DHRSX: variants seen among roughly 807,000 people sequenced by gnomAD.
DHRSX encodes dehydrogenase/reductase X-linked.
DHRSX carries 31 observed loss-of-function variants against 34.0 expected under a neutral mutation model. That is an observed-to-expected ratio of 0.91 (90% CI 0.69 to 1.23). DHRSX has a LOEUF of 1.23. Among genes scored for constraint, DHRSX ranks in the 50% most tolerant of loss-of-function variants. The pLI is 0.00. For missense variants in DHRSX, 414 were observed against 428.1 expected (o/e 0.97, Z 0.29); for synonymous variants, 201 against 183.8 (o/e 1.09, Z -0.76).
intron 3 of DHRSX, among the ~76,000 whole-genome samples, chrX:2,343,481 G>C (rs2042664988): frequency 6.6e-6 from 1 of 152,194 alleles, no homozygotes; most frequent in Non-Finnish European, 1.5e-5. Context: ...CATCCAAACA[G>C]TTAAGGACAC....
intron 5 of DHRSX, among the ~76,000 whole-genome samples, chrX:2,245,632 G>C (rs1024810955): frequency 6.7e-6 from 1 of 149,764 alleles, no homozygotes; most frequent in Non-Finnish European, 1.5e-5. Context: ...TACATATATT[G>C]ATTGATGTCT....
At chrX:2,380,837 GT>G (rs2015287605) in intron 3 of DHRSX, among the ~76,000 whole-genome samples, 1 of 152,026 alleles carries the variant, frequency 6.6e-6, no homozygotes, top group Non-Finnish European at 1.5e-5. Context: ...TTTGGTTATT[GT>G]TTTGTTTTGT....
At chrX:2,461,391 C>G (rs1323873094) in intron 1 of DHRSX, among the ~76,000 whole-genome samples, 1 of 152,202 alleles carries the variant, frequency 6.6e-6, no homozygotes, top group Non-Finnish European at 1.5e-5. Context: ...CTCAGCAATG[C>G]TACCAAAACA....
intron 4 of DHRSX, 97 bp from the exon 5 acceptor site, chrX:2,267,044 C>T (rs932492092): frequency 1.4e-5 from 18 of 1,276,114 alleles, no homozygotes; most frequent in South Asian, 1.4e-4. Flanking sequence ...CCCAGGACAT[C>T]GGAGGGTGGG....
At chrX:2,442,472 GTATA>G (rs757603927) in intron 1 of DHRSX, among the ~76,000 whole-genome samples, 1 of 150,656 alleles carries the variant, frequency 6.6e-6, no homozygotes, top group African/African-American at 2.4e-5. Flanking sequence ...ATGTGTGTGT[GTATA>G]TATATATATT....
intron 2 of DHRSX, among the ~76,000 whole-genome samples, chrX:2,412,700 A>T (rs1231675880): frequency 6.6e-6 from 1 of 152,116 alleles, no homozygotes; most frequent in Non-Finnish European, 1.5e-5. Context: ...CCATCTAAGG[A>T]TGGGTAGATA....
rs2015484171 is a variant in DHRSX at position 2,219,767 on chromosome X, C to T, written c.*1274G>A. 6.6e-6 allele frequency: 1 copy of T among 152,186 alleles called. No individual in the cohort carries two copies. The allele number at this position is 152,186 out of a possible 1,614,324, so 9.4% of individuals were successfully genotyped here. ...CCAACCAATGGTCATCAGTCTCACA[C>T]ATAAGGAGTGCAGGCTCGTAGGGTA... On this transcript the variant is annotated 3_prime_UTR_variant, in exon 7 of 7. Transcript: ENST00000334651.
At chrX:2,354,268 C>T (rs2042822005) in intron 3 of DHRSX, among the ~76,000 whole-genome samples, 1 of 152,184 alleles carries the variant, frequency 6.6e-6, no homozygotes, top group Non-Finnish European at 1.5e-5. Flanking sequence ...CACTGGGCAG[C>T]TGTCCACTGG....
At chrX:2,378,543 C>T (rs192181932) in intron 3 of DHRSX, among the ~76,000 whole-genome samples, 73 of 152,090 alleles carry the variant, frequency 4.8e-4, no homozygotes, top group African/African-American at 4.8e-4. Flanking sequence ...CTCATCCTTA[C>T]GATTTTCTTA....
At chrX:2,322,953 T>C (rs934462429) in intron 3 of DHRSX, among the ~76,000 whole-genome samples, 16 of 151,976 alleles carry the variant, frequency 1.1e-4, no homozygotes, top group African/African-American at 2.9e-4. Flanking sequence ...AGATGGAATC[T>C]TGCTCTGTCG....
chrX:2,311,682 G>A (rs1315968483), intron 3 of DHRSX, among the ~76,000 whole-genome samples: 1 of 152,156 alleles, frequency 6.6e-6, no homozygotes, highest in Non-Finnish European at 1.5e-5. Flanking sequence ...CCGTGGAAAC[G>A]CGGACTTGTG....
intron 1 of DHRSX, among the ~76,000 whole-genome samples, chrX:2,483,789 C>CAAAAAAAAAAAAAAAAAAAAAAAAAAA (rs111577835): frequency 9.1e-6 from 1 of 110,406 alleles, no homozygotes. Context: ...GAAAAAGTGG[C>CAAAAAAAAAAAAAAAAAAAAAAAAAAA]AAAAAAAAAA....
chrX:2,335,134 G>A (rs147675895), intron 3 of DHRSX, among the ~76,000 whole-genome samples: 1,898 of 148,778 alleles, frequency 0.013, 39 homozygotes, highest in African/African-American at 0.045. Context: ...GCAGTGAGCC[G>A]AGATCGTACC....
Position 2,429,071 on chromosome X carries a change from G to A in DHRSX, c.110-3767C>T, listed in dbSNP as rs756062175. 3.5e-4 allele frequency among the ~76,000 whole-genome samples: 53 copies of A among 152,222 alleles called. 1 individual carries two copies. The South Asian group carries it at 6.4e-3, about 18-fold the overall frequency. On this transcript the variant is annotated intron_variant, in intron 1 of 6. Coordinates refer to ENST00000334651, the MANE Select transcript of DHRSX (RefSeq NM_145177.3). ...AGGTATGTTCACTTAGAAAATTGCC[G>A]AATAAGTTTTCCATATGCTTAGGTT...
chrX:2,292,859 C>T (rs140565935), intron 3 of DHRSX, among the ~76,000 whole-genome samples: 3,218 of 152,210 alleles, frequency 0.021, 110 homozygotes, highest in African/African-American at 0.072. Context: ...TATTTTGTTA[C>T]ACAGTATATG....
Position 2,394,248 on chromosome X carries a change from C to G in DHRSX, c.286+14497G>C, listed in dbSNP as rs140673182. ...CAGACAGCAGGCTCCCTGTGAAGGC[C>G]AGTGGGCCCAGCTGAGACCCAGGGA... On this transcript the variant is annotated intron_variant, in intron 3 of 6. Transcript: ENST00000334651. Among the ~76,000 whole-genome samples the G allele has an allele frequency of 6.5e-3, 985 of 152,256 alleles. 10 individuals carry two copies. Among genetic ancestry groups the G allele is most frequent in the African/African-American group, 0.023 (937 of 41,530 alleles).
chrX:2,458,288 T>G (rs28601702), intron 1 of DHRSX, among the ~76,000 whole-genome samples: 1 of 151,752 alleles, frequency 6.6e-6, no homozygotes, highest in Non-Finnish European at 1.5e-5. Context: ...CTGCAAAACA[T>G]CAGAGCAAAG....
At chrX:2,380,624 T>C (rs1165917672) in intron 3 of DHRSX, among the ~76,000 whole-genome samples, 1 of 152,140 alleles carries the variant, frequency 6.6e-6, no homozygotes, top group Non-Finnish European at 1.5e-5. Context: ...GATTGGATCA[T>C]GGTGGCGGAT....
intron 3 of DHRSX, among the ~76,000 whole-genome samples, chrX:2,294,652 A>AAG (rs2124494857): frequency 7.4e-6 from 1 of 136,004 alleles, no homozygotes; most frequent in African/African-American, 2.7e-5. Context: ...GTGACAGAGC[A>AAG]AGACTCTGTC....
Sources: gnomAD v4.1 joint callset for allele counts (sites outside exome capture counted in the v4.1 genomes callset) on GRCh38, gnomAD v4.1.1 for gene constraint, MANE v1.5 for transcripts, NCBI Gene and HGNC (gene_info 2026-07-23, HGNC 2026-07-21) for gene names.